AUTS2: variants seen among roughly 807,000 people sequenced by gnomAD.
The protein encoded by AUTS2 is autism susceptibility gene 2 protein.
In AUTS2, 17 loss-of-function variants were observed where a neutral mutation model predicts 112.4. The observed-to-expected ratio is 0.15, with a 90% CI of 0.10 to 0.23. AUTS2 has a LOEUF of 0.23. Ranked by LOEUF, AUTS2 falls within the 10% of genes least tolerant of loss-of-function variation. The probability of loss-of-function intolerance (pLI) is 1.00; values close to 1 mark genes in which losing one functional copy is unlikely to be tolerated. For synonymous variants in AUTS2, 751 were observed against 702.7 expected (o/e 1.07, Z -1.09); for missense variants, 1,510 against 1,701.6 (o/e 0.89, Z 1.98).
intron 2 of AUTS2, among the ~76,000 whole-genome samples, chr7:70,105,869 G>C (rs564244407): frequency 3.3e-5 from 5 of 152,212 alleles, no homozygotes; most frequent in African/African-American, 7.2e-5. Context: ...GGGGGCCCTA[G>C]TATTTGTCTT....
chr7:70,573,674 C>G (rs954227128), intron 5 of AUTS2, among the ~76,000 whole-genome samples: 1 of 152,062 alleles, frequency 6.6e-6, no homozygotes, highest in Non-Finnish European at 1.5e-5. Context: ...TTAGAGCATT[C>G]GCTTTGCTGC....
At chr7:70,155,831 G>A (rs1807718314) in intron 4 of AUTS2, among the ~76,000 whole-genome samples, 1 of 152,164 alleles carries the variant, frequency 6.6e-6, no homozygotes, top group Non-Finnish European at 1.5e-5. Context: ...TTGGAGGTAA[G>A]AGAGGAGCCC....
intron 6 of AUTS2, among the ~76,000 whole-genome samples, chr7:70,712,983 A>G (rs1230674292): frequency 6.6e-6 from 1 of 152,148 alleles, no homozygotes; most frequent in Non-Finnish European, 1.5e-5. Context: ...ACCATTTCCA[A>G]TCCTTCCACT....
chr7:70,228,783 A>C (rs1009705508), intron 4 of AUTS2, among the ~76,000 whole-genome samples: 2 of 151,902 alleles, frequency 1.3e-5, no homozygotes, highest in South Asian at 4.1e-4. Context: ...TATATATCTT[A>C]TATACCCAAC....
intron 1 of AUTS2, among the ~76,000 whole-genome samples, chr7:69,629,412 C>T (rs1583971328): frequency 6.6e-6 from 1 of 152,124 alleles, no homozygotes; most frequent in East Asian, 1.9e-4. Context: ...AGGTGGGATT[C>T]TTGTTAATTG....
chr7:69,785,802 AGACAC>A (rs1270091204), intron 1 of AUTS2, among the ~76,000 whole-genome samples: 1 of 152,178 alleles, frequency 6.6e-6, no homozygotes. Flanking sequence ...CTATTCCACA[AGACAC>A]CCTATCACAG....
rs1418282031 is a variant in AUTS2 at position 69,874,335 on chromosome 7, G to A, written c.310-24951G>A. Among the ~76,000 whole-genome samples the A allele has an allele frequency of 2.6e-5, 4 of 152,146 alleles. No homozygotes were observed. The East Asian group carries it at 7.7e-4, about 29-fold the overall frequency. The stretch of plus-strand genomic sequence containing the variant: ...CTCCAGAGGTGGGAGTCCAGAAGAT[G>A]GTGATAAGAAAGAGGTTAGAACCAT... On this transcript the variant is annotated intron_variant, in intron 1 of 18. Transcript: ENST00000342771.
rs1793257181 is a variant in AUTS2 at position 70,379,243 on chromosome 7, T to A, written c.661-56509T>A. On this transcript the variant is annotated intron_variant, in intron 4 of 18. Coordinates refer to ENST00000342771, the MANE Select transcript of AUTS2 (RefSeq NM_015570.4). The stretch of plus-strand genomic sequence containing the variant: ...GGGCGGGCACGGTGGCTCACGTCTG[T>A]AATCCCAGCACTTTGGGGGAGCCGA... 2.0e-5 allele frequency among the ~76,000 whole-genome samples: 3 copies of A among 152,138 alleles called. No homozygotes were observed. In the South Asian group the frequency reaches 6.2e-4, roughly 32 times the overall value.
chr7:70,282,216 A>G (rs146591531), intron 4 of AUTS2, among the ~76,000 whole-genome samples: 486 of 152,226 alleles, frequency 3.2e-3, no homozygotes, highest in African/African-American at 0.011. Flanking sequence ...ATGCACCTCA[A>G]AACTCTTCCA....
chr7:69,792,296 G>A (rs2129327230), intron 1 of AUTS2, among the ~76,000 whole-genome samples: 1 of 151,230 alleles, frequency 6.6e-6, no homozygotes, highest in South Asian at 2.1e-4. Flanking sequence ...CTGGAGCGCA[G>A]TGGCGCAATC....
At chr7:69,619,284 A>G (rs1793539816) in intron 1 of AUTS2, among the ~76,000 whole-genome samples, 1 of 152,156 alleles carries the variant, frequency 6.6e-6, no homozygotes, top group African/African-American at 2.4e-5. Flanking sequence ...GAACTTAGAG[A>G]GTAGGAGTGA....
At chr7:70,065,518 A>G (rs1286850003) in intron 2 of AUTS2, among the ~76,000 whole-genome samples, 1 of 151,922 alleles carries the variant, frequency 6.6e-6, no homozygotes, top group Non-Finnish European at 1.5e-5. Flanking sequence ...ACATGGTGAA[A>G]CCCCATCCCT....
At chr7:69,898,085 A>T (rs528804751) in intron 1 of AUTS2, among the ~76,000 whole-genome samples, 1 of 152,344 alleles carries the variant, frequency 6.6e-6, no homozygotes, top group South Asian at 2.1e-4. Context: ...AATACAAAGG[A>T]TACATGTTTG....
chr7:70,063,527 C>G (rs971611699), intron 2 of AUTS2, among the ~76,000 whole-genome samples: 1 of 152,068 alleles, frequency 6.6e-6, no homozygotes, highest in South Asian at 2.1e-4. Flanking sequence ...CACTGGTAAA[C>G]CAGAGATCAT....
intron 4 of AUTS2, among the ~76,000 whole-genome samples, chr7:70,384,209 G>A (rs1793507188): frequency 6.6e-6 from 1 of 152,182 alleles, no homozygotes; most frequent in Non-Finnish European, 1.5e-5. Flanking sequence ...TCAGTGGGGG[G>A]ACGTTTTCTT....
chr7:70,783,106 A>G (rs1791198515), intron 15 of AUTS2: 1 of 152,312 alleles, frequency 6.6e-6, no homozygotes, highest in Non-Finnish European at 1.5e-5. Flanking sequence ...TGGAACTGCA[A>G]GGCACCCCTG....
At chr7:69,897,906 G>C (rs1473419749) in intron 1 of AUTS2, among the ~76,000 whole-genome samples, 1 of 152,180 alleles carries the variant, frequency 6.6e-6, no homozygotes, top group East Asian at 1.9e-4. Flanking sequence ...CAGCAGAACA[G>C]TGAGAAAATT....
intron 5 of AUTS2, among the ~76,000 whole-genome samples, chr7:70,454,768 T>A (rs1337373308): frequency 6.6e-6 from 1 of 152,208 alleles, no homozygotes; most frequent in East Asian, 1.9e-4. Context: ...GGTTTGGTCT[T>A]GGATTCTGAA....
chr7:69,905,191 A>G (rs570991712), intron 2 of AUTS2, among the ~76,000 whole-genome samples: 31 of 152,242 alleles, frequency 2.0e-4, no homozygotes, highest in Admixed American at 7.9e-4. Context: ...ACTTAACTTC[A>G]GTGAGATACA....
Sources: gnomAD v4.1 joint callset for allele counts (sites outside exome capture counted in the v4.1 genomes callset) on GRCh38, gnomAD v4.1.1 for gene constraint, MANE v1.5 for transcripts, NCBI Gene and HGNC (gene_info 2026-07-23, HGNC 2026-07-21) for gene names.